The following GRIN2D variants were observed in gnomAD, a reference collection of about 807,000 sequenced individuals.
GRIN2D encodes the protein glutamate receptor ionotropic, NMDA 2D.
Under a neutral mutation model 103.2 loss-of-function variants are expected in GRIN2D, and 37 were observed. That is an observed-to-expected ratio of 0.36 (90% CI 0.28 to 0.47). The LOEUF (loss-of-function observed/expected upper bound fraction) is 0.47. Among genes scored for constraint, GRIN2D ranks in the 20% least tolerant of loss-of-function variants. The pLI is 1.00. For synonymous variants in GRIN2D, 845 were observed against 885.6 expected (o/e 0.95, Z 0.81); for missense variants, 1,557 against 1,910.6 (o/e 0.81, Z 3.45).
chr19:48,441,078 C>G (rs1971285501), intron 11 of GRIN2D, among the ~76,000 whole-genome samples: 2 of 152,040 alleles, frequency 1.3e-5, no homozygotes, highest in African/African-American at 4.8e-5. Flanking sequence ...TTAACAGTCA[C>G]AGCTGGCCAG....
At chr19:48,434,355 G>C (rs932118309) in intron 11 of GRIN2D, among the ~76,000 whole-genome samples, 3 of 151,126 alleles carry the variant, frequency 2.0e-5, no homozygotes, top group Admixed American at 1.3e-4. Flanking sequence ...CTGGGATCAA[G>C]TGATTCTCCT....
intron 11 of GRIN2D, among the ~76,000 whole-genome samples, chr19:48,423,736 G>GTCAGGGCTGGACT (rs1971051152): frequency 1.3e-5 from 2 of 152,202 alleles, no homozygotes. Context: ...TGAGGCCAAG[G>GTCAGGGCTGGACT]TCAGGGCTGG....
rs1208886105 is a variant in GRIN2D at position 48,444,300 on chromosome 19, C to A, written c.*363C>A. ...GTGGCCCCCACATCACTGTGCAGCT[C>A]CCCGGCCCCAGCCGCGCCTCCGGGG... On this transcript the variant is annotated 3_prime_UTR_variant, in exon 14 of 14. Transcript: ENST00000263269. The surrounding 1 kb of genome is among the most constrained non-coding windows in gnomAD (Gnocchi z 5.5). 2 of 197,904 alleles carry A rather than the reference C, an allele frequency of 1.0e-5. No homozygotes were observed. The highest frequency in any genetic ancestry group is 2.3e-5 in the African/African-American group (1 of 43,270). 12.3% of individuals were successfully genotyped at this position (197,904 alleles called of 1,614,324 possible).
intron 11 of GRIN2D, among the ~76,000 whole-genome samples, chr19:48,428,256 C>T (rs758440163): frequency 3.3e-5 from 5 of 151,668 alleles, no homozygotes; most frequent in Non-Finnish European, 4.4e-5. Flanking sequence ...AGGCTGGTCT[C>T]GAACTCCTGA....
At chr19:48,422,285 T>A (rs1257919237) in intron 11 of GRIN2D, among the ~76,000 whole-genome samples, 4 of 152,074 alleles carry the variant, frequency 2.6e-5, no homozygotes, top group Non-Finnish European at 5.9e-5. Flanking sequence ...AACAAGAGTA[T>A]CCCCACTGTA....
intron 8 of GRIN2D, among the ~76,000 whole-genome samples, chr19:48,416,682 A>C (rs276711): frequency 6.6e-6 from 1 of 151,572 alleles, no homozygotes; most frequent in African/African-American, 2.4e-5. Flanking sequence ...ATCCCTGTCC[A>C]GTAGGATCTC....
At chr19:48,423,373 AC>A (rs1364462815) in intron 11 of GRIN2D, among the ~76,000 whole-genome samples, 2 of 152,162 alleles carry the variant, frequency 1.3e-5, no homozygotes, top group Non-Finnish European at 2.9e-5. Flanking sequence ...GAACAAATAG[AC>A]CCGATTCCTA....
chr19:48,427,378 T>G (rs548919809), intron 11 of GRIN2D, among the ~76,000 whole-genome samples: 1 of 58,782 alleles, frequency 1.7e-5, no homozygotes, highest in South Asian at 6.3e-4. Context: ...TTGTACCAAT[T>G]TACACTCTCA....
In GRIN2D at chr19:48,442,812, C is replaced by T; in HGVS notation, c.2886C>T (p.His962=). 9.3e-7 allele frequency: 1 copy of T among 1,077,132 alleles called. No homozygotes were observed. The highest frequency in any genetic ancestry group is 1.1e-6 in the Non-Finnish European group (1 of 890,452). The allele number at this position is 1,077,132 out of a possible 1,614,324, so 66.7% of individuals were successfully genotyped here. ...GCGCGGGCCTGGCCGACGGCTTCCACCGCTACTACGGCCCCATCGAGCCGC... is the reference window on the plus strand; with the variant it reads ...GCGCGGGCCTGGCCGACGGCTTCCATCGCTACTACGGCCCCATCGAGCCGC... ...PGGAGLADGF[H]RYYGPIEPQG... is the part of the protein sequence containing the mutation. The change falls in exon 14 of 14, where the codon CAC becomes CAT. Residue 962 remains histidine, a synonymous_variant. Transcript: ENST00000263269. This position sits in a 1 kb window ranked among gnomAD's most constrained non-coding sequence, Gnocchi z 7.2.
chr19:48,443,486 A>G lies in GRIN2D; in HGVS notation c.3560A>G (p.Glu1187Gly). The G allele has an allele frequency of 2.2e-6, 3 of 1,362,768 alleles. No homozygotes were observed. Among genetic ancestry groups the G allele is most frequent in the East Asian group, 3.1e-5 (1 of 31,904 alleles). The allele number at this position is 1,362,768 out of a possible 1,614,324, so 84.4% of individuals were successfully genotyped here. Residue 1187 changes from glutamate (E) to glycine (G), a missense_variant, in exon 14 of 14, where the codon GAG (glutamate) becomes GGG (glycine). Around this residue, in one of 7 missense-constraint regions of GRIN2D, gnomAD observed 632 missense variants for 572.8 expected, o/e 1.10. Transcript: ENST00000263269. This position sits in a 1 kb window ranked among gnomAD's most constrained non-coding sequence, Gnocchi z 8.9. ...CACTGTCGGCACTGCGCCAGCCTGG[A>G]GCTGCTGCCGCCGCCGCGCCATCTC... ...AWHCRHCASL[E>G]LLPPPRHLSC...
At chr19:48,407,872 G>C (rs1458099501) in intron 4 of GRIN2D, among the ~76,000 whole-genome samples, 1 of 152,190 alleles carries the variant, frequency 6.6e-6, no homozygotes, top group Non-Finnish European at 1.5e-5. Flanking sequence ...AGGCCTTTCT[G>C]AATAGGTGAA....
chr19:48,435,920 G>A (rs1432841685), intron 11 of GRIN2D, among the ~76,000 whole-genome samples: 2 of 152,248 alleles, frequency 1.3e-5, no homozygotes, highest in African/African-American at 2.4e-5. Flanking sequence ...ATTCCAAGGG[G>A]ATACGCGCTA....
At chr19:48,412,675 G>T (rs929258384) in intron 4 of GRIN2D, among the ~76,000 whole-genome samples, 16 of 151,800 alleles carry the variant, frequency 1.1e-4, no homozygotes, top group African/African-American at 3.9e-4. Context: ...TGTAATCCCA[G>T]CTACTCGGGA....
intron 11 of GRIN2D, among the ~76,000 whole-genome samples, chr19:48,430,096 C>T (rs781777986): frequency 6.6e-6 from 1 of 152,210 alleles, no homozygotes; most frequent in Non-Finnish European, 1.5e-5. Flanking sequence ...GTGACTCTGA[C>T]AGATGAATAT....
chr19:48,422,245 CCT>C (rs907756371), intron 11 of GRIN2D, among the ~76,000 whole-genome samples: 1 of 152,178 alleles, frequency 6.6e-6, no homozygotes, highest in Non-Finnish European at 1.5e-5. Context: ...CCTCTCTGAA[CCT>C]CTGTTTCCTC....
intron 3 of GRIN2D, 39 bp from the exon 4 acceptor site, chr19:48,404,695 C>T: frequency 6.5e-7 from 1 of 1,542,868 alleles, no homozygotes; most frequent in Non-Finnish European, 8.7e-7. Context: ...ATAAGGTCCC[C>T]ACATCGGCAG....
Position 48,413,999 on chromosome 19 carries a change from T to G in GRIN2D, c.1094T>G (p.Met365Arg). 6.2e-7 allele frequency: 1 copy of G among 1,601,486 alleles called. No individual in the cohort carries two copies. The change falls in exon 5 of 14, where the codon ATG becomes AGG. Residue 365 changes from methionine to arginine, a missense_variant. By Grantham distance (91) the Met-to-Arg change is moderately conservative. Coordinates refer to ENST00000263269, the MANE Select transcript of GRIN2D (RefSeq NM_000836.4). ...HRGESLHRYF[M>R]NITWDNRDYS... Reference sequence around the variant, plus strand: ...TCCCTCCTCCTGGGCAGGTACTTCATGAACATCACGTGGGATAACCGGGAT... The same window carrying G: ...TCCCTCCTCCTGGGCAGGTACTTCAGGAACATCACGTGGGATAACCGGGAT...
In GRIN2D at chr19:48,405,904, G is replaced by T. The variant is rs1460221881; in HGVS notation, c.1085+551G>T. Among the ~76,000 whole-genome samples the T allele has an allele frequency of 6.6e-6, 1 of 152,160 alleles. No individual in the cohort carries two copies. The highest frequency in any genetic ancestry group is 1.5e-5 in the Non-Finnish European group (1 of 68,032). On this transcript the variant is annotated intron_variant, in intron 4 of 13. Transcript: ENST00000263269. This position sits in a 1 kb window ranked among gnomAD's most constrained non-coding sequence, Gnocchi z 5.1. ...CTGGCATCTCTGCATGGTCGAAGTG[G>T]GTCGTGGGGATGTCTGAATTGTAGC...
At position 48,442,071 on chromosome 19, in the gene GRIN2D, A is replaced by C; in HGVS notation, c.2441-79A>C. ...CAGGGTCTGAGGGAGGAAGGGGCTA[A>C]GGGCCTACATTCCCACATCACAGAC... On this transcript the variant is annotated intron_variant, in intron 12 of 13. Coordinates refer to ENST00000263269, the MANE Select transcript of GRIN2D (RefSeq NM_000836.4). The surrounding 1 kb of genome is among the most constrained non-coding windows in gnomAD (Gnocchi z 7.2). 2 of 1,519,452 alleles carry C rather than the reference A, an allele frequency of 1.3e-6. No homozygotes were observed. Among genetic ancestry groups the C allele is most frequent in the East Asian group, 4.5e-5 (2 of 44,164 alleles). 94.1% of individuals were successfully genotyped at this position (1,519,452 alleles called of 1,614,324 possible).
Sources: gnomAD v4.1 joint callset for allele counts (sites outside exome capture counted in the v4.1 genomes callset) on GRCh38, gnomAD v4.1.1 for gene constraint, gnomAD v4.1.1 regional missense constraint, Gnocchi (gnomAD v3.1) non-coding constraint, MANE v1.5 for transcripts, NCBI Gene and HGNC (gene_info 2026-07-23, HGNC 2026-07-21) for gene names.